The following AFF2 variants were observed in gnomAD, a reference collection of about 807,000 sequenced individuals.
The protein encoded by AFF2 is ALF transcription elongation factor 2, also known as AF4/FMR2 family member 2.
A neutral mutation model predicts 76.9 loss-of-function variants in AFF2; 14 were observed. That is an observed-to-expected ratio of 0.18 (90% CI 0.12 to 0.28). AFF2 has a LOEUF of 0.28. Ranked by LOEUF, AFF2 falls within the 10% of genes least tolerant of loss-of-function variation. AFF2 has a pLI of 1.00. For missense variants in AFF2, 868 were observed against 1,001.1 expected (o/e 0.87, Z 1.79); for synonymous variants, 398 against 366.7 (o/e 1.09, Z -0.98).
intron 3 of AFF2, among the ~76,000 whole-genome samples, chrX:148,683,230 G>A (rs1208605976): frequency 8.9e-6 from 1 of 112,029 alleles, no homozygotes; most frequent in African/African-American, 3.2e-5. Context: ...TATGTCCTGA[G>A]GTTGTGGATT....
chrX:148,534,217 G>A (rs1288060794), intron 1 of AFF2, among the ~76,000 whole-genome samples: 1 of 111,789 alleles, frequency 8.9e-6, no homozygotes, highest in Non-Finnish European at 1.9e-5. Context: ...CTCAGATAGG[G>A]TGATTGGATG....
At chrX:148,866,170 G>C (rs1017193881) in intron 7 of AFF2, among the ~76,000 whole-genome samples, 2 of 111,649 alleles carry the variant, frequency 1.8e-5, no homozygotes, top group Non-Finnish European at 3.8e-5. Context: ...AGGATTATTT[G>C]TGCCCCCAAA....
intron 1 of AFF2, among the ~76,000 whole-genome samples, chrX:148,624,874 T>C (rs1557251803): frequency 8.9e-6 from 1 of 112,123 alleles, no homozygotes; most frequent in Non-Finnish European, 1.9e-5. Flanking sequence ...AATGGAGTTA[T>C]AACAATTGTC....
intron 1 of AFF2, among the ~76,000 whole-genome samples, chrX:148,530,568 G>A (rs1441084534): frequency 1.1e-5 from 1 of 94,092 alleles, no homozygotes; most frequent in Non-Finnish European, 2.1e-5. Flanking sequence ...TCCTAAGTCT[G>A]GTGGCAATTC....
chrX:148,632,472 A>G, intron 1 of AFF2, among the ~76,000 whole-genome samples: 1 of 111,805 alleles, frequency 8.9e-6, no homozygotes, highest in Non-Finnish European at 1.9e-5. Flanking sequence ...GAGGCAGCCC[A>G]AGCAAAGGAG....
intron 4 of AFF2, among the ~76,000 whole-genome samples, chrX:148,821,318 G>A (rs2070325776): frequency 9.0e-6 from 1 of 110,898 alleles, no homozygotes; most frequent in African/African-American, 3.3e-5. Context: ...TGTTCTAATT[G>A]GTAGATCTGT....
At chrX:148,846,168 A>G (rs2070664732) in intron 7 of AFF2, among the ~76,000 whole-genome samples, 2 of 111,950 alleles carry the variant, frequency 1.8e-5, no homozygotes, top group Admixed American at 1.9e-4. Context: ...CCTTCTCAGT[A>G]TAGTGCATTG....
intron 1 of AFF2, among the ~76,000 whole-genome samples, chrX:148,599,583 T>C (rs2053607211): frequency 9.0e-6 from 1 of 111,030 alleles, no homozygotes; most frequent in South Asian, 3.9e-4. Context: ...TCTTGAAACA[T>C]TGGCTTCATA....
chrX:148,971,772 T>A (rs1182915320), intron 15 of AFF2, among the ~76,000 whole-genome samples: 3 of 56,721 alleles, frequency 5.3e-5, no homozygotes, highest in African/African-American at 2.3e-4. Flanking sequence ...TTTTTTTTAA[T>A]GTTTTTTTTT....
chrX:148,571,013 A>T (rs1191793093), intron 1 of AFF2, among the ~76,000 whole-genome samples: 1 of 111,931 alleles, frequency 8.9e-6, no homozygotes, highest in Non-Finnish European at 1.9e-5. Context: ...TTTCCAAATT[A>T]GGTTACATTC....
At chrX:148,732,510 G>A (rs1473884140) in intron 3 of AFF2, among the ~76,000 whole-genome samples, 1 of 91,548 alleles carries the variant, frequency 1.1e-5, no homozygotes, top group African/African-American at 4.2e-5. Flanking sequence ...CACCAGCATG[G>A]CACATGTATA....
At chrX:148,923,438 C>T (rs782303415) in intron 9 of AFF2, among the ~76,000 whole-genome samples, 6 of 111,149 alleles carry the variant, frequency 5.4e-5, no homozygotes, top group Non-Finnish European at 1.1e-4. Flanking sequence ...GTCAAAAGGC[C>T]GCTTCCTTAA....
chrX:148,928,699 G>A (rs1190384445), intron 9 of AFF2, among the ~76,000 whole-genome samples: 2 of 112,274 alleles, frequency 1.8e-5, no homozygotes, highest in African/African-American at 6.5e-5. Context: ...ATTTAATGCT[G>A]TCAGACAACC....
At chrX:148,771,170 ACT>A (rs2124599445) in intron 3 of AFF2, among the ~76,000 whole-genome samples, 1 of 111,325 alleles carries the variant, frequency 9.0e-6, no homozygotes, top group African/African-American at 3.3e-5. Flanking sequence ...ATTCCTCCAG[ACT>A]CTGCCTATTT....
intron 1 of AFF2, among the ~76,000 whole-genome samples, chrX:148,627,839 C>G: frequency 9.0e-6 from 1 of 111,661 alleles, no homozygotes; most frequent in Admixed American, 9.5e-5. Context: ...ATTGGAGGGC[C>G]AGGCAGAAAT....
chrX:148,738,644 T>C (rs782442903), intron 3 of AFF2, among the ~76,000 whole-genome samples: 2 of 111,783 alleles, frequency 1.8e-5, no homozygotes, highest in African/African-American at 3.3e-5. Context: ...TTGGTTATTT[T>C]CTTTCTCCTG....
intron 3 of AFF2, among the ~76,000 whole-genome samples, chrX:148,798,286 T>C (rs1452979969): frequency 4.5e-5 from 5 of 111,818 alleles, no homozygotes; most frequent in Non-Finnish European, 9.4e-5. Flanking sequence ...AGAGCCCCCA[T>C]AGCCTAATCA....
intron 3 of AFF2, among the ~76,000 whole-genome samples, chrX:148,777,980 C>A (rs1462530191): frequency 1.8e-5 from 2 of 111,966 alleles, no homozygotes; most frequent in Non-Finnish European, 3.8e-5. Context: ...ATGATATTGT[C>A]TGTGGTTTTG....
chrX:148,948,996 T>TA (rs782230355), intron 9 of AFF2, among the ~76,000 whole-genome samples: 2 of 111,172 alleles, frequency 1.8e-5, no homozygotes, highest in South Asian at 7.7e-4. Flanking sequence ...TCTTCCTGAC[T>TA]AGATCTCCAA....
Sources: gnomAD v4.1 joint callset for allele counts (sites outside exome capture counted in the v4.1 genomes callset) on GRCh38, gnomAD v4.1.1 for gene constraint, MANE v1.5 for transcripts, NCBI Gene and HGNC (gene_info 2026-07-23, HGNC 2026-07-21) for gene names.